Variants in FSTL4 observed in about 807,000 individuals in gnomAD.
FSTL4 encodes follistatin like 4.
FSTL4 carries 28 observed loss-of-function variants against 78.2 expected under a neutral mutation model. The ratio of observed to expected loss-of-function variants is 0.36; its 90% CI spans 0.27 to 0.49. The LOEUF is 0.49. Among genes scored for constraint, FSTL4 ranks in the 20% least tolerant of loss-of-function variants. The pLI is 0.98. For missense variants in FSTL4, 922 were observed against 1,084.9 expected (o/e 0.85, Z 2.11); for synonymous variants, 422 against 440.5 (o/e 0.96, Z 0.53).
chr5:133,322,241 C>CA (rs1754080222), intron 4 of FSTL4, among the ~76,000 whole-genome samples: 1 of 119,562 alleles, frequency 8.4e-6, no homozygotes. Flanking sequence ...ACACACACAC[C>CA]CCCACACCCA....
At chr5:133,544,112 T>C (rs1315969988) in intron 3 of FSTL4, among the ~76,000 whole-genome samples, 1 of 152,138 alleles carries the variant, frequency 6.6e-6, no homozygotes, top group Admixed American at 6.5e-5. Flanking sequence ...TTATGAGACA[T>C]TATTATTTCA....
At chr5:133,768,615 G>A in the FSTL4 span, among the ~76,000 whole-genome samples, 1 of 152,156 alleles carries the variant, frequency 6.6e-6, no homozygotes, top group Non-Finnish European at 1.5e-5. Flanking sequence ...CATTGCTTCA[G>A]GCACATCTAC....
At chr5:133,604,602 A>T (rs1242427452) in intron 1 of FSTL4, among the ~76,000 whole-genome samples, 3 of 152,082 alleles carry the variant, frequency 2.0e-5, no homozygotes, top group African/African-American at 7.2e-5. Context: ...CCAGCTACTC[A>T]GGAGGCTGGG....
the FSTL4 span, among the ~76,000 whole-genome samples, chr5:133,651,675 G>A: frequency 6.6e-6 from 1 of 151,468 alleles, no homozygotes; most frequent in Non-Finnish European, 1.5e-5. Context: ...TTGCTCTGTC[G>A]CCTGATTTGC....
At chr5:133,654,349 A>G in the FSTL4 span, among the ~76,000 whole-genome samples, 1 of 152,236 alleles carries the variant, frequency 6.6e-6, no homozygotes, top group Non-Finnish European at 1.5e-5. Flanking sequence ...TCTGAGGCTC[A>G]GAGAAGTTAC....
the FSTL4 span, among the ~76,000 whole-genome samples, chr5:133,747,257 A>C: frequency 1.3e-5 from 2 of 152,228 alleles, no homozygotes; most frequent in Non-Finnish European, 2.9e-5. Flanking sequence ...AAATTTGCCA[A>C]GGAAATTATT....
At chr5:133,555,449 G>A (rs547222658) in intron 3 of FSTL4, among the ~76,000 whole-genome samples, 17 of 152,282 alleles carry the variant, frequency 1.1e-4, no homozygotes, top group African/African-American at 3.6e-4. Flanking sequence ...CTGAGTATCA[G>A]TCTCCTCCTC....
At chr5:133,686,400 A>G in the FSTL4 span, among the ~76,000 whole-genome samples, 1 of 152,268 alleles carries the variant, frequency 6.6e-6, no homozygotes, top group African/African-American at 2.4e-5. Flanking sequence ...AGGTAATATT[A>G]TAAAATGCTC....
chr5:133,641,820 C>A, the FSTL4 span, among the ~76,000 whole-genome samples: 1 of 152,052 alleles, frequency 6.6e-6, no homozygotes, highest in South Asian at 2.1e-4. Context: ...TCTTCCTCCT[C>A]CTCCTTCTTC....
chr5:133,786,942 T>C, the FSTL4 span, among the ~76,000 whole-genome samples: 1 of 152,082 alleles, frequency 6.6e-6, no homozygotes, highest in Non-Finnish European at 1.5e-5. Flanking sequence ...TAGAAAGAGG[T>C]AAGTGACTTG....
rs530049132 is a variant in FSTL4, at chr5:133,527,494, CACA to C, written c.160+39689_160+39691del. Among the ~76,000 whole-genome samples the C allele has an allele frequency of 2.3e-4, 34 of 150,910 alleles. No homozygotes were observed. The East Asian group carries it at 4.5e-3, about 20-fold the overall frequency. On this transcript the variant is annotated intron_variant, in intron 3 of 15. Transcript: ENST00000265342. Reference sequence around the variant, plus strand: ...GTGTACACACACACACACACACACACACACACACCCATAAGTGCATTCACTGCA... The same window carrying C: ...GTGTACACACACACACACACACACACCACACCCATAAGTGCATTCACTGCA...
At chr5:133,479,258 C>A in intron 3 of FSTL4, among the ~76,000 whole-genome samples, 1 of 152,164 alleles carries the variant, frequency 6.6e-6, no homozygotes, top group Non-Finnish European at 1.5e-5. Context: ...AGGGCTGAGC[C>A]CAGTGCTGGG....
intron 3 of FSTL4, among the ~76,000 whole-genome samples, chr5:133,562,685 A>G (rs910636929): frequency 4.6e-5 from 7 of 152,166 alleles, no homozygotes; most frequent in Non-Finnish European, 8.8e-5. Context: ...GCAATGCAAC[A>G]TGACATTGGT....
At chr5:133,717,729 G>A in the FSTL4 span, among the ~76,000 whole-genome samples, 125 of 152,216 alleles carry the variant, frequency 8.2e-4, no homozygotes, top group Non-Finnish European at 1.6e-3. Flanking sequence ...TTTAAGTGTC[G>A]TCCATGTCAT....
chr5:133,452,325 A>T (rs1055395811), intron 3 of FSTL4, among the ~76,000 whole-genome samples: 1 of 152,252 alleles, frequency 6.6e-6, no homozygotes, highest in Non-Finnish European at 1.5e-5. Context: ...GTACCAAACC[A>T]AACAACTGAA....
chr5:133,300,897 C>T (rs1181654045), intron 6 of FSTL4, among the ~76,000 whole-genome samples: 2 of 152,022 alleles, frequency 1.3e-5, no homozygotes, highest in Non-Finnish European at 1.5e-5. Context: ...GCTGCTCGGG[C>T]CCCGCTTTCT....
At chr5:133,718,099 GT>G in the FSTL4 span, among the ~76,000 whole-genome samples, 29 of 146,024 alleles carry the variant, frequency 2.0e-4, no homozygotes, top group South Asian at 6.5e-4. Flanking sequence ...TTGGTTTTTG[GT>G]TTTTTTTTTT....
At chr5:133,698,867 G>A in the FSTL4 span, among the ~76,000 whole-genome samples, 1 of 152,242 alleles carries the variant, frequency 6.6e-6, no homozygotes, top group African/African-American at 2.4e-5. Flanking sequence ...GAGACCTGGT[G>A]GGTTTCCCTC....
At chr5:133,687,527 G>T in the FSTL4 span, among the ~76,000 whole-genome samples, 3 of 152,004 alleles carry the variant, frequency 2.0e-5, no homozygotes, top group Non-Finnish European at 4.4e-5. Context: ...ACCCAGGGGG[G>T]CTTTACAGGG....
Sources: gnomAD v4.1 joint callset for allele counts (sites outside exome capture counted in the v4.1 genomes callset) on GRCh38, gnomAD v4.1.1 for gene constraint, MANE v1.5 for transcripts, NCBI Gene and HGNC (gene_info 2026-07-23, HGNC 2026-07-21) for gene names.